RAD51B: variants seen among roughly 807,000 people sequenced by gnomAD.
The protein encoded by RAD51B is RAD51 paralog B, also known as DNA repair protein RAD51 homolog 2.
A neutral mutation model predicts 42.2 loss-of-function variants in RAD51B; 38 were observed. The observed-to-expected ratio is 0.90, with a 90% confidence interval of 0.70 to 1.18. RAD51B has a LOEUF of 1.18. Among genes scored for constraint, RAD51B ranks in the 50% most tolerant of loss-of-function variants. The pLI, the probability that RAD51B is intolerant of heterozygous loss-of-function variation, is 0.00. For synonymous variants in RAD51B, 154 were observed against 145.2 expected, an observed-to-expected ratio of 1.06 and a Z score of -0.43; for missense variants, 373 against 400.7, an observed-to-expected ratio of 0.93 and a Z score of 0.59.
chr14:68,609,799 GC>G (rs1230199739), intron 10 of RAD51B, among the ~76,000 whole-genome samples: 3 of 152,086 alleles, frequency 2.0e-5, no homozygotes, highest in Non-Finnish European at 2.9e-5. Flanking sequence ...GCTACTGAAG[GC>G]CATTCTCAGT....
At chr14:68,014,199 CTTT>C (rs35420035) in intron 7 of RAD51B, among the ~76,000 whole-genome samples, 2 of 138,342 alleles carry the variant, frequency 1.4e-5, no homozygotes, top group African/African-American at 5.2e-5. Flanking sequence ...TCTTTTCTTT[CTTT>C]TTTTTTTTTT....
At chr14:68,218,769 G>A (rs2079866307) in intron 7 of RAD51B, among the ~76,000 whole-genome samples, 1 of 152,174 alleles carries the variant, frequency 6.6e-6, no homozygotes. Context: ...CTAAAAGGAT[G>A]AATTGGTGGA....
At chr14:68,678,586 A>G (rs1157585062) in intron 11 of RAD51B, among the ~76,000 whole-genome samples, 3 of 152,112 alleles carry the variant, frequency 2.0e-5, no homozygotes, top group African/African-American at 7.2e-5. Context: ...CCTGGGAAGT[A>G]GGGGGGTGGC....
At chr14:68,465,940 C>CAAAAAA (rs59348577) in intron 9 of RAD51B, among the ~76,000 whole-genome samples, 30 of 129,350 alleles carry the variant, frequency 2.3e-4, no homozygotes, top group Middle Eastern at 3.6e-3. Context: ...GACTCTGTCT[C>CAAAAAA]AAAAAAAAAA....
intron 5 of RAD51B, among the ~76,000 whole-genome samples, chr14:67,876,536 G>T (rs933336104): frequency 1.3e-5 from 2 of 152,184 alleles, no homozygotes; most frequent in African/African-American, 4.8e-5. Flanking sequence ...AAAGTGCATT[G>T]TAGCTATCAG....
chr14:68,278,988 T>C (rs189313919), intron 7 of RAD51B, among the ~76,000 whole-genome samples: 1 of 152,244 alleles, frequency 6.6e-6, no homozygotes, highest in Non-Finnish European at 1.5e-5. Context: ...TTTCTTTTCA[T>C]TTTTTCTTCT....
intron 8 of RAD51B, among the ~76,000 whole-genome samples, chr14:68,385,496 C>T (rs577694183): frequency 6.6e-6 from 1 of 152,164 alleles, no homozygotes; most frequent in Non-Finnish European, 1.5e-5. Context: ...AGAAGAAGAG[C>T]CCATATGGCA....
At chr14:68,674,218 C>T (rs568898911) in intron 11 of RAD51B, among the ~76,000 whole-genome samples, 57 of 152,144 alleles carry the variant, frequency 3.7e-4, no homozygotes, top group African/African-American at 1.3e-3. Flanking sequence ...TACATATATA[C>T]GTGTACACAC....
intron 10 of RAD51B, chr14:68,563,147 G>A (rs1889239281): frequency 1.0e-6 from 1 of 985,450 alleles, no homozygotes; most frequent in Non-Finnish European, 1.2e-6. Context: ...CTTGGCGAAG[G>A]AGAGAAGTTC....
chr14:68,185,047 G>C (rs1467934316), intron 7 of RAD51B, among the ~76,000 whole-genome samples: 1 of 151,990 alleles, frequency 6.6e-6, no homozygotes, highest in African/African-American at 2.4e-5. Flanking sequence ...TTCTTTGTTT[G>C]GTTTGGTTCT....
intron 7 of RAD51B, among the ~76,000 whole-genome samples, chr14:67,978,877 A>G (rs532210559): frequency 5.9e-5 from 9 of 152,338 alleles, no homozygotes; most frequent in Admixed American, 2.0e-4. Context: ...CTTCTGAAAA[A>G]AGGAAAAGAC....
At chr14:67,940,068 T>TA (rs2045142058) in intron 7 of RAD51B, among the ~76,000 whole-genome samples, 1 of 52,150 alleles carries the variant, frequency 1.9e-5, no homozygotes, top group Non-Finnish European at 3.7e-5. Context: ...TTTTTTTTTT[T>TA]TTTTTTTTTT....
intron 9 of RAD51B, among the ~76,000 whole-genome samples, chr14:68,456,175 A>C (rs1229836665): frequency 6.6e-6 from 1 of 152,258 alleles, no homozygotes. Context: ...ACAGAGGAAC[A>C]AAAAGGAAAT....
At chr14:68,171,196 T>G (rs1014200067) in intron 7 of RAD51B, among the ~76,000 whole-genome samples, 2 of 152,250 alleles carry the variant, frequency 1.3e-5, no homozygotes, top group African/African-American at 4.8e-5. Flanking sequence ...CTCATATTTG[T>G]AACTTTAGAG....
At chr14:67,983,275 A>G (rs1379986366) in intron 7 of RAD51B, among the ~76,000 whole-genome samples, 1 of 152,160 alleles carries the variant, frequency 6.6e-6, no homozygotes, top group Non-Finnish European at 1.5e-5. Flanking sequence ...TCATTATGTA[A>G]GTAAGCTCAA....
intron 7 of RAD51B, among the ~76,000 whole-genome samples, chr14:68,165,660 C>T (rs1244185394): frequency 6.6e-6 from 1 of 152,076 alleles, no homozygotes; most frequent in Non-Finnish European, 1.5e-5. Flanking sequence ...CTAGTCAGTC[C>T]AAGACTGGAC....
chr14:68,103,848 G>A (rs757056315), intron 7 of RAD51B, among the ~76,000 whole-genome samples: 1 of 152,174 alleles, frequency 6.6e-6, no homozygotes, highest in African/African-American at 2.4e-5. Flanking sequence ...TTCTATGGAT[G>A]AGAAATGTAA....
intron 7 of RAD51B, among the ~76,000 whole-genome samples, chr14:68,212,794 A>G (rs1255601238): frequency 1.3e-5 from 2 of 152,258 alleles, no homozygotes; most frequent in Admixed American, 6.5e-5. Context: ...TTAGGAGTCA[A>G]TATGAGCTCA....
At chr14:68,515,778 C>CTTTTCT (rs1175342123) in intron 10 of RAD51B, among the ~76,000 whole-genome samples, 8 of 113,400 alleles carry the variant, frequency 7.1e-5, no homozygotes, top group African/African-American at 2.7e-4. Context: ...CTTTTCTTTT[C>CTTTTCT]TTTTTTTTTT....
Sources: allele counts gnomAD v4.1 joint callset (sites outside exome capture counted in the v4.1 genomes callset), GRCh38; gene constraint gnomAD v4.1.1; transcripts MANE v1.5; gene names NCBI Gene and HGNC (gene_info 2026-07-23, HGNC 2026-07-21).